The following NBAS variants were observed in gnomAD, a reference collection of about 807,000 sequenced individuals.
NBAS encodes NBAS subunit of NRZ tethering complex.
Under a neutral mutation model 302.5 loss-of-function variants are expected in NBAS, and 219 were observed. That is an observed-to-expected ratio of 0.72 (90% CI 0.65 to 0.81). NBAS has a LOEUF of 0.81. Among genes scored for constraint, NBAS ranks in the 30% least tolerant of loss-of-function variants. NBAS has a pLI of 0.00. For synonymous variants in NBAS, 1,118 were observed against 1,021.6 expected (o/e 1.09, Z -1.80); for missense variants, 2,932 against 2,841.6 (o/e 1.03, Z -0.72).
intron 19 of NBAS, 134 bp from the exon 20 acceptor site, chr2:15,461,925 T>C (rs1410971336): frequency 9.5e-6 from 6 of 632,572 alleles, no homozygotes; most frequent in Non-Finnish European, 1.7e-5. Flanking sequence ...CAACCATCAA[T>C]TGTTAACTAA....
chr2:15,249,244 G>A (rs1339949199), intron 44 of NBAS, among the ~76,000 whole-genome samples: 1 of 151,982 alleles, frequency 6.6e-6, no homozygotes, highest in African/African-American at 2.4e-5. Context: ...CGCACCAAAG[G>A]TCTTTGACAA....
chr2:14,819,669 C>T, the NBAS span, among the ~76,000 whole-genome samples: 1 of 152,124 alleles, frequency 6.6e-6, no homozygotes, highest in Non-Finnish European at 1.5e-5. Context: ...GTTAGCAGTA[C>T]ATCAAGTTTA....
intron 9 of NBAS, among the ~76,000 whole-genome samples, chr2:15,521,969 G>T (rs1662694215): frequency 6.6e-6 from 1 of 152,196 alleles, no homozygotes; most frequent in Non-Finnish European, 1.5e-5. Context: ...CCCTTTACAG[G>T]AAGTGTGCTG....
intron 21 of NBAS, among the ~76,000 whole-genome samples, chr2:15,443,378 A>G (rs575056619): frequency 6.6e-6 from 1 of 152,118 alleles, no homozygotes; most frequent in Non-Finnish European, 1.5e-5. Flanking sequence ...AATCCAGCAT[A>G]TAAACAGAAC....
At chr2:15,414,661 T>C (rs548769332) in intron 25 of NBAS, among the ~76,000 whole-genome samples, 2 of 152,164 alleles carry the variant, frequency 1.3e-5, no homozygotes, top group African/African-American at 4.8e-5. Flanking sequence ...TTACAAAATA[T>C]CGGCCGTGCG....
At chr2:14,854,399 C>G in the NBAS span, among the ~76,000 whole-genome samples, 1,733 of 152,012 alleles carry the variant, frequency 0.011, 30 homozygotes, top group African/African-American at 0.038. Flanking sequence ...AACCCTCTCC[C>G]CATGTCCCCC....
At chr2:14,906,022 C>T in the NBAS span, among the ~76,000 whole-genome samples, 52,515 of 152,078 alleles carry the variant, frequency 0.35, 10,688 homozygotes, top group African/African-American at 0.57. Flanking sequence ...AAGGAATATT[C>T]CTAACACATC....
At chr2:14,838,029 A>G in the NBAS span, among the ~76,000 whole-genome samples, 1 of 151,866 alleles carries the variant, frequency 6.6e-6, no homozygotes, top group Admixed American at 6.6e-5. Flanking sequence ...ACTTAGTTTT[A>G]TTACAAATTT....
the NBAS span, among the ~76,000 whole-genome samples, chr2:15,098,696 A>T: frequency 7.4e-6 from 1 of 134,978 alleles, no homozygotes; most frequent in African/African-American, 2.8e-5. Context: ...TATTGTATAT[A>T]ATATATTATA....
intron 9 of NBAS, among the ~76,000 whole-genome samples, chr2:15,533,250 C>T (rs1233013246): frequency 6.6e-6 from 1 of 152,094 alleles, no homozygotes; most frequent in South Asian, 2.1e-4. Flanking sequence ...CCTGACAATC[C>T]AGCATTGGCA....
chr2:14,909,436 T>G, the NBAS span, among the ~76,000 whole-genome samples: 60 of 143,482 alleles, frequency 4.2e-4, 1 homozygote, highest in Admixed American at 7.0e-5. Context: ...CACTTTCATG[T>G]CTGTCAACCA....
intron 38 of NBAS, among the ~76,000 whole-genome samples, chr2:15,323,619 C>A (rs1329257339): frequency 1.3e-5 from 2 of 151,904 alleles, no homozygotes; most frequent in Non-Finnish European, 2.9e-5. Context: ...CTGCCTGAGC[C>A]CAGGAGTTTG....
chr2:15,116,913 C>T, the NBAS span, among the ~76,000 whole-genome samples: 2 of 152,046 alleles, frequency 1.3e-5, no homozygotes, highest in Non-Finnish European at 2.9e-5. Flanking sequence ...ATATGCTAAA[C>T]TCATTCTAGC....
the NBAS span, among the ~76,000 whole-genome samples, chr2:14,887,638 G>A: frequency 7.9e-5 from 12 of 152,030 alleles, no homozygotes; most frequent in Admixed American, 7.2e-4. Flanking sequence ...TCTGTTTTAG[G>A]TTCACATCTC....
chr2:14,780,936 A>G, the NBAS span, among the ~76,000 whole-genome samples: 1 of 152,140 alleles, frequency 6.6e-6, no homozygotes, highest in Non-Finnish European at 1.5e-5. Flanking sequence ...AGGAAGAGAG[A>G]ATGAGAGAAA....
chr2:14,815,965 C>T, the NBAS span, among the ~76,000 whole-genome samples: 1 of 152,188 alleles, frequency 6.6e-6, no homozygotes, highest in Admixed American at 6.5e-5. Flanking sequence ...ATCTAGCCCC[C>T]CTTTTTCTCT....
In NBAS at chr2:15,275,521, A is replaced by G. The variant is rs745755293; in HGVS notation, c.5687T>C (p.Val1896Ala). 4 of 1,614,086 alleles carry G rather than the reference A, an allele frequency of 2.5e-6. No homozygotes were observed. Among genetic ancestry groups the G allele is most frequent in the East Asian group, 2.2e-5 (1 of 44,872 alleles). The part of the protein sequence containing the change: ...RLHPGDLITV[V>A]DAVTFSPKAV... ...TTTTGGAGAAAATGTAACTGCATCTACCACAGTGATGAGGTCACCTGGGTG... is the reference window on the plus strand; with the variant it reads ...TTTTGGAGAAAATGTAACTGCATCTGCCACAGTGATGAGGTCACCTGGGTG... The change falls in exon 44 of 52, where the codon GTA becomes GCA. Residue 1896 changes from valine (V) to alanine (A), a missense_variant. Val to Ala is a moderately conservative substitution (Grantham distance 64). Transcript: ENST00000281513.
In NBAS at chr2:15,328,118, T is replaced by C; in HGVS notation, c.4461+81A>G. On this transcript the variant is annotated intron_variant, in intron 37 of 51. Coordinates refer to ENST00000281513, the MANE Select transcript of NBAS (RefSeq NM_015909.4). ...AGAACCAAGACAAATAAGTATATTT[T>C]CAAGAAAATTTTAGTTTTTGTTTCT... The C allele has an allele frequency of 2.9e-6, 4 of 1,381,940 alleles. No homozygotes were observed. In the South Asian group the frequency reaches 4.9e-5, roughly 17 times the overall value. 85.6% of individuals were successfully genotyped at this position (1,381,940 alleles called of 1,614,324 possible).
chr2:14,836,558 C>T, the NBAS span, among the ~76,000 whole-genome samples: 1 of 151,874 alleles, frequency 6.6e-6, no homozygotes, highest in East Asian at 1.9e-4. Context: ...CGTGACTTTT[C>T]CTGCATTCCA....
Sources: gnomAD v4.1 joint callset for allele counts (sites outside exome capture counted in the v4.1 genomes callset) on GRCh38, gnomAD v4.1.1 for gene constraint, MANE v1.5 for transcripts, NCBI Gene and HGNC (gene_info 2026-07-23, HGNC 2026-07-21) for gene names.